The following SH3PXD2A variants were observed in gnomAD, a reference collection of about 807,000 sequenced individuals.
SH3PXD2A encodes SH3 and PX domain-containing protein 2A.
SH3PXD2A carries 32 observed loss-of-function variants against 115.2 expected under a neutral mutation model. The ratio of observed to expected loss-of-function variants is 0.28; its 90% confidence interval spans 0.21 to 0.37. SH3PXD2A has a LOEUF of 0.37. SH3PXD2A is among the 10% of genes least tolerant of loss of function. The pLI, the probability that SH3PXD2A is intolerant of heterozygous loss-of-function variation, is 1.00. For synonymous variants in SH3PXD2A, 610 were observed against 629.1 expected (o/e 0.97, Z 0.45); for missense variants, 1,328 against 1,498.7 (o/e 0.89, Z 1.88).
intron 5 of SH3PXD2A, among the ~76,000 whole-genome samples, chr10:103,701,724 T>G (rs61722406): frequency 2.0e-5 from 2 of 98,828 alleles, no homozygotes; most frequent in African/African-American, 4.1e-5. Context: ...CATTTATCCA[T>G]CCATCATTCA....
chr10:103,842,546 C>T (rs1462436019), intron 1 of SH3PXD2A, among the ~76,000 whole-genome samples: 1 of 152,136 alleles, frequency 6.6e-6, no homozygotes, highest in African/African-American at 2.4e-5. Flanking sequence ...TCTCTTTATT[C>T]CTCCCACCTG....
At chr10:103,795,282 C>T (rs928141927) in intron 2 of SH3PXD2A, among the ~76,000 whole-genome samples, 5 of 151,994 alleles carry the variant, frequency 3.3e-5, no homozygotes, top group Admixed American at 6.6e-5. Context: ...CCGCGTTGGA[C>T]AGTACAGCTT....
intron 4 of SH3PXD2A, among the ~76,000 whole-genome samples, chr10:103,728,919 G>A (rs1220056398): frequency 2.3e-5 from 3 of 132,770 alleles, no homozygotes; most frequent in African/African-American, 6.0e-5. Context: ...TTGAGACAAA[G>A]TCTCACTCTG....
chr10:103,623,348 T>C (rs931029402), intron 9 of SH3PXD2A, among the ~76,000 whole-genome samples: 1 of 152,076 alleles, frequency 6.6e-6, no homozygotes, highest in South Asian at 2.1e-4. Flanking sequence ...GGCTGCTGCT[T>C]GGCTCTGAGC....
chr10:103,764,852 C>A (rs1408803973), intron 3 of SH3PXD2A, among the ~76,000 whole-genome samples: 1 of 152,164 alleles, frequency 6.6e-6, no homozygotes, highest in African/African-American at 2.4e-5. Flanking sequence ...AGTCTATTAG[C>A]CTCCCTTGGC....
intron 5 of SH3PXD2A, among the ~76,000 whole-genome samples, chr10:103,704,784 C>T (rs1316255740): frequency 6.6e-6 from 1 of 152,160 alleles, no homozygotes; most frequent in Non-Finnish European, 1.5e-5. Flanking sequence ...ATGTAAAGGA[C>T]GGGGTCTAGG....
chr10:103,802,960 T>A (rs946565114), intron 1 of SH3PXD2A, among the ~76,000 whole-genome samples: 1 of 152,184 alleles, frequency 6.6e-6, no homozygotes, highest in Admixed American at 6.5e-5. Flanking sequence ...AGGAGGAACG[T>A]TAGCAAAGAG....
intron 4 of SH3PXD2A, among the ~76,000 whole-genome samples, chr10:103,725,563 A>G (rs967700307): frequency 1.3e-5 from 2 of 152,180 alleles, no homozygotes; most frequent in African/African-American, 4.8e-5. Flanking sequence ...GTGGTGGCTC[A>G]TGCCGGTAAT....
chr10:103,682,350 C>T (rs558804063), intron 6 of SH3PXD2A, among the ~76,000 whole-genome samples: 40 of 152,318 alleles, frequency 2.6e-4, no homozygotes, highest in African/African-American at 7.0e-4. Flanking sequence ...GTGGGCTGGC[C>T]GCAGAGTTGC....
rs898075374 is a variant in SH3PXD2A, at chr10:103,708,793, G to A, written c.398+15477C>T. Among the ~76,000 whole-genome samples, 6 of 152,090 alleles carry A rather than the reference G, an allele frequency of 3.9e-5. No individual in the cohort carries two copies. The South Asian group carries it at 8.3e-4, about 21-fold the overall frequency. On this transcript the variant is annotated intron_variant, in intron 5 of 14. Transcript: ENST00000369774. Reference sequence around the variant, plus strand: ...GGGCAGCACAAAGTGTCCCCTGCTCGTGCCTATTAAGATCCTCGTGGCTGC... The same window carrying A: ...GGGCAGCACAAAGTGTCCCCTGCTCATGCCTATTAAGATCCTCGTGGCTGC...
intron 10 of SH3PXD2A, among the ~76,000 whole-genome samples, chr10:103,618,330 T>C (rs1466396204): frequency 4.6e-5 from 7 of 152,202 alleles, no homozygotes; most frequent in Non-Finnish European, 1.0e-4. Flanking sequence ...CTTCCATGCC[T>C]GCTGGGGTTC....
chr10:103,661,995 G>A (rs2037313848), intron 7 of SH3PXD2A: 1 of 980,020 alleles, frequency 1.0e-6, no homozygotes, highest in Non-Finnish European at 1.2e-6. Flanking sequence ...GGGTACAGTC[G>A]GACCAGCCTC....
At chr10:103,738,177 T>C (rs922844783) in intron 3 of SH3PXD2A, among the ~76,000 whole-genome samples, 8 of 152,230 alleles carry the variant, frequency 5.3e-5, no homozygotes, top group Non-Finnish European at 8.8e-5. Flanking sequence ...ATCACCAAGA[T>C]GAAGCGGCTC....
At chr10:103,622,829 C>T (rs954690403) in intron 9 of SH3PXD2A, among the ~76,000 whole-genome samples, 1 of 152,160 alleles carries the variant, frequency 6.6e-6, no homozygotes, top group Non-Finnish European at 1.5e-5. Context: ...AATCCCAGCA[C>T]CTTAGAGAAA....
At chr10:103,709,200 C>T (rs377568872) in intron 5 of SH3PXD2A, among the ~76,000 whole-genome samples, 3 of 152,188 alleles carry the variant, frequency 2.0e-5, no homozygotes, top group East Asian at 1.9e-4. Flanking sequence ...TCCCAGGCAC[C>T]GCACCAGGGA....
Position 103,783,211 on chromosome 10 carries a change from C to G in SH3PXD2A, c.154-16042G>C, listed in dbSNP as rs149623484. Among the ~76,000 whole-genome samples the G allele has an allele frequency of 4.4e-3, 667 of 152,302 alleles. 1 individual carries two copies. Among genetic ancestry groups the G allele is most frequent in the Middle Eastern group, 0.014 (4 of 294 alleles). On this transcript the variant is annotated intron_variant, in intron 2 of 14. Transcript: ENST00000369774. ...GGGGGCAGGCAAGGAGTTTGGAGTT[C>G]ATTCCAAAAAGAAAGGGAGTCTTCA... is the stretch of plus-strand genomic sequence containing the variant.
chr10:103,692,451 G>A (rs2037766789), intron 6 of SH3PXD2A, among the ~76,000 whole-genome samples: 1 of 152,202 alleles, frequency 6.6e-6, no homozygotes, highest in Non-Finnish European at 1.5e-5. Flanking sequence ...CCAAAACGCG[G>A]AGCCCCCACC....
chr10:103,785,343 C>T (rs1450467840), intron 2 of SH3PXD2A, among the ~76,000 whole-genome samples: 6 of 152,100 alleles, frequency 3.9e-5, no homozygotes, highest in Non-Finnish European at 8.8e-5. Context: ...CAGATGAGAC[C>T]CGGGGACCCT....
At chr10:103,764,487 T>C (rs9665617) in intron 3 of SH3PXD2A, among the ~76,000 whole-genome samples, 16,598 of 152,132 alleles carry the variant, frequency 0.11, 972 homozygotes, top group South Asian at 0.14. Context: ...TCACTCCTCC[T>C]GACAACATCA....
Sources: allele counts gnomAD v4.1 joint callset (sites outside exome capture counted in the v4.1 genomes callset), GRCh38; gene constraint gnomAD v4.1.1; transcripts MANE v1.5; gene names NCBI Gene and HGNC (gene_info 2026-07-23, HGNC 2026-07-21).